The following PCDHGA2 variants were observed in gnomAD, a reference collection of about 807,000 sequenced individuals.
The protein encoded by PCDHGA2 is protocadherin gamma subfamily A, 2.
Under a neutral mutation model 59.2 loss-of-function variants are expected in PCDHGA2, and 40 were observed. That is an observed-to-expected ratio of 0.68 (90% CI 0.52 to 0.88). PCDHGA2 has a LOEUF of 0.88. Ranked by LOEUF, PCDHGA2 falls within the 40% of genes least tolerant of loss-of-function variation. PCDHGA2 has a pLI of 0.00. For synonymous variants in PCDHGA2, 560 were observed against 526.0 expected, an observed-to-expected ratio of 1.06 and a Z score of -0.89; for missense variants, 1,226 against 1,204.0, an observed-to-expected ratio of 1.02 and a Z score of -0.27.
At chr5:141,362,532 T>C in intron 1 of PCDHGA2, 1 of 1,613,846 alleles carries the variant, frequency 6.2e-7, no homozygotes, top group Non-Finnish European at 8.5e-7. Flanking sequence ...CTGGGGTCCC[T>C]TTTGCCTCAG....
In PCDHGA2 at chr5:141,432,293, G is replaced by A; in HGVS notation, c.2425-62514G>A. On this transcript the variant is annotated intron_variant, in intron 1 of 3. Transcript: ENST00000394576. The surrounding 1 kb of genome is among the most constrained non-coding windows in gnomAD (Gnocchi z 6.0). ...CTACGTGTCCATCAACTCCGACACT[G>A]GGGTACTGTATGCGCTGAGCTCCTT... 1 of 1,614,254 alleles carries A rather than the reference G, an allele frequency of 6.2e-7. No homozygotes were observed. Among genetic ancestry groups the A allele is most frequent in the Non-Finnish European group, 8.5e-7 (1 of 1,180,040 alleles).
intron 1 of PCDHGA2, chr5:141,399,413 C>A (rs1456440098): frequency 1.2e-6 from 2 of 1,613,930 alleles, no homozygotes; most frequent in African/African-American, 1.3e-5. Context: ...CCGCCCCTCT[C>A]CTCCAGCATA....
intron 1 of PCDHGA2, chr5:141,417,960 G>T (rs2096199953): frequency 1.2e-6 from 2 of 1,613,624 alleles, no homozygotes; most frequent in African/African-American, 1.3e-5. Context: ...GAGCCGATCC[G>T]CTACTCGATT....
intron 1 of PCDHGA2, chr5:141,365,065 C>T (rs1300257401): frequency 6.2e-7 from 1 of 1,613,786 alleles, no homozygotes; most frequent in Non-Finnish European, 8.5e-7. Flanking sequence ...TCACCCCATC[C>T]GAGTACAGCG....
Position 141,493,775 on chromosome 5 carries a change from G to A in PCDHGA2, c.2425-1032G>A, listed in dbSNP as rs1434978072. ...CCTTGAGTGAGCCACTGGCAGTTCCGGAGCTTCCTTCTCCCTGGAGTAATC... is the reference window on the plus strand; with the variant it reads ...CCTTGAGTGAGCCACTGGCAGTTCCAGAGCTTCCTTCTCCCTGGAGTAATC... On this transcript the variant is annotated intron_variant, in intron 1 of 3. Coordinates refer to ENST00000394576, the MANE Select transcript of PCDHGA2 (RefSeq NM_018915.4). The surrounding 1 kb of genome is among the most constrained non-coding windows in gnomAD (Gnocchi z 4.3). Among the ~76,000 whole-genome samples, 1 of 152,094 alleles carries A rather than the reference G, an allele frequency of 6.6e-6. No individual in the cohort carries two copies. The highest frequency in any genetic ancestry group is 6.5e-5 in the Admixed American group (1 of 15,272).
chr5:141,339,443 C>T lies in PCDHGA2; in HGVS notation c.472C>T (p.His158Tyr), dbSNP rs1588446277. Residue 158 changes from histidine (H) to tyrosine (Y), a missense_variant, in exon 1 of 4, where the codon CAT (histidine) becomes TAT (tyrosine). His to Tyr is a moderately conservative substitution (Grantham distance 83). Transcript: ENST00000394576. ...PGFRIPLKNA[H>Y]DADVGENALQ... ...ATTCCGGATTCCTCTTAAGAATGCGCATGATGCAGACGTAGGTGAGAACGC... is the reference window on the plus strand; with the variant it reads ...ATTCCGGATTCCTCTTAAGAATGCGTATGATGCAGACGTAGGTGAGAACGC... 1.2e-6 allele frequency: 2 copies of T among 1,614,226 alleles called. No homozygotes were observed. Among genetic ancestry groups the T allele is most frequent in the South Asian group, 2.2e-5 (2 of 91,080 alleles).
intron 1 of PCDHGA2, among the ~76,000 whole-genome samples, chr5:141,469,315 G>A (rs1160946697): frequency 6.6e-6 from 1 of 151,866 alleles, no homozygotes; most frequent in African/African-American, 2.4e-5. Flanking sequence ...GATGGCTCAC[G>A]CCTGTAATCC....
chr5:141,421,174 C>T (rs2096550677), intron 1 of PCDHGA2: 2 of 1,378,742 alleles, frequency 1.5e-6, no homozygotes, highest in Non-Finnish European at 1.9e-6. Flanking sequence ...ATACATAAGC[C>T]GATTCACAAC....
Position 141,432,804 on chromosome 5 carries a change from C to T in PCDHGA2, c.2425-62003C>T, listed in dbSNP as rs1482036720. The T allele has an allele frequency of 1.2e-6, 2 of 1,614,182 alleles. No individual in the cohort carries two copies. Among genetic ancestry groups the T allele is most frequent in the Non-Finnish European group, 1.7e-6 (2 of 1,180,008 alleles). ...GACCTCGGCAGCCTCGAGTCTCCAG[C>T]TAACTCTGAAACCTCAGACCTCACT... is the stretch of plus-strand genomic sequence containing the variant. On this transcript the variant is annotated intron_variant, in intron 1 of 3. Transcript: ENST00000394576. This position sits in a 1 kb window ranked among gnomAD's most constrained non-coding sequence, Gnocchi z 6.0.
chr5:141,494,021 G>C (rs1036188621), intron 1 of PCDHGA2, among the ~76,000 whole-genome samples: 2 of 152,158 alleles, frequency 1.3e-5, no homozygotes, highest in African/African-American at 2.4e-5. Context: ...CCCCTTGGGA[G>C]CCCTGGAGAC....
intron 1 of PCDHGA2, among the ~76,000 whole-genome samples, chr5:141,463,049 T>C (rs529642816): frequency 3.9e-4 from 60 of 152,326 alleles, no homozygotes; most frequent in African/African-American, 1.3e-3. Context: ...CAGCAGGGTC[T>C]CTTTATTATG....
chr5:141,426,371 C>T (rs987346395), intron 1 of PCDHGA2: 4 of 217,048 alleles, frequency 1.8e-5, no homozygotes, highest in African/African-American at 9.0e-5. Context: ...TGCGGGGCAC[C>T]CTCGGAGCAG....
chr5:141,476,716 C>T lies in PCDHGA2; in HGVS notation c.2425-18091C>T. On this transcript the variant is annotated intron_variant, in intron 1 of 3. Transcript: ENST00000394576. This position sits in a 1 kb window ranked among gnomAD's most constrained non-coding sequence, Gnocchi z 7.6. ...AGTACGCGGAGCTGGTGTTGGAGCG[C>T]GCCCTGGACCGAGAACGGGAGCCTA... 15 of 1,614,148 alleles carry T rather than the reference C, an allele frequency of 9.3e-6. No homozygotes were observed. The highest frequency in any genetic ancestry group is 1.3e-5 in the Non-Finnish European group (15 of 1,180,036).
chr5:141,394,397 G>A, intron 1 of PCDHGA2: 1 of 1,614,212 alleles, frequency 6.2e-7, no homozygotes, highest in Non-Finnish European at 8.5e-7. Flanking sequence ...TCCGAGACCT[G>A]CAGCTACTGG....
chr5:141,511,003 G>T lies in PCDHGA2; in HGVS notation c.2629G>T (p.Ala877Ser), dbSNP rs114669158. ...GGGAGTMGLS[A>S]RYGPQFTLQH... The stretch of plus-strand genomic sequence containing the variant: ...GGGTGCCGGCACCATGGGATTGAGC[G>T]CCCGCTACGGACCCCAGTTCACCCT... Residue 877 changes from alanine to serine, a missense_variant, in exon 4 of 4, where the codon GCC (alanine) becomes TCC (serine). Coordinates refer to ENST00000394576, the MANE Select transcript of PCDHGA2 (RefSeq NM_018915.4). 2 of 1,614,032 alleles carry T rather than the reference G, an allele frequency of 1.2e-6. No individual in the cohort carries two copies. Among genetic ancestry groups the T allele is most frequent in the Non-Finnish European group, 1.7e-6 (2 of 1,180,020 alleles).
At chr5:141,475,014 C>G (rs2099358221) in intron 1 of PCDHGA2, among the ~76,000 whole-genome samples, 1 of 152,202 alleles carries the variant, frequency 6.6e-6, no homozygotes, top group South Asian at 2.1e-4. Flanking sequence ...AAAGTTAAGG[C>G]TCTTTATTCT....
intron 1 of PCDHGA2, among the ~76,000 whole-genome samples, chr5:141,484,796 C>A (rs987893041): frequency 1.3e-5 from 2 of 151,304 alleles, no homozygotes; most frequent in African/African-American, 4.9e-5. Flanking sequence ...GATAACAACC[C>A]GTGGAAAAAC....
rs951502238 is a variant in PCDHGA2 at position 141,478,263 on chromosome 5, A to G, written c.2425-16544A>G. ...ACAGTGTTCGGAGTAATCATATTCA[A>G]AGTTTACAAGTGGAAGCAGTCTAGA... On this transcript the variant is annotated intron_variant, in intron 1 of 3. Coordinates refer to ENST00000394576, the MANE Select transcript of PCDHGA2 (RefSeq NM_018915.4). The G allele has an allele frequency of 2.5e-6, 4 of 1,614,046 alleles. No individual in the cohort carries two copies. The African/African-American group carries it at 5.3e-5, about 22-fold the overall frequency.
chr5:141,389,094 A>G (rs2091600869), intron 1 of PCDHGA2: 4 of 1,613,928 alleles, frequency 2.5e-6, no homozygotes, highest in Admixed American at 1.7e-5. Flanking sequence ...TAAATTAGTG[A>G]CAGATGCTGT....
Sources: gnomAD v4.1 joint callset for allele counts (sites outside exome capture counted in the v4.1 genomes callset) on GRCh38, gnomAD v4.1.1 for gene constraint, Gnocchi (gnomAD v3.1) non-coding constraint, MANE v1.5 for transcripts, NCBI Gene and HGNC (gene_info 2026-07-23, HGNC 2026-07-21) for gene names.